RAPH1: variants seen among roughly 807,000 people sequenced by gnomAD.
RAPH1 encodes Ras association (RalGDS/AF-6) and pleckstrin homology domains 1.
In RAPH1, 18 loss-of-function variants were observed where a neutral mutation model predicts 88.1. The observed-to-expected ratio is 0.20, with a 90% CI of 0.14 to 0.30. The LOEUF is 0.30. RAPH1 is among the 10% of genes least tolerant of loss of function. RAPH1 has a pLI of 1.00. For missense variants in RAPH1, 1,448 were observed against 1,543.2 expected, an observed-to-expected ratio of 0.94 and a Z score of 1.03; for synonymous variants, 587 against 559.0, an observed-to-expected ratio of 1.05 and a Z score of -0.71.
chr2:203,465,728 T>G (rs963145177), intron 4 of RAPH1, among the ~76,000 whole-genome samples: 1 of 152,132 alleles, frequency 6.6e-6, no homozygotes, highest in African/African-American at 2.4e-5. Flanking sequence ...AACACCAAAA[T>G]TAGCTGGGTG....
At chr2:203,488,615 A>C (rs1050206834) in intron 4 of RAPH1, among the ~76,000 whole-genome samples, 141 of 149,320 alleles carry the variant, frequency 9.4e-4, no homozygotes, top group Non-Finnish European at 1.8e-3. Context: ...AAAAAAAAAA[A>C]AAACCTGTTT....
chr2:203,465,508 G>A (rs935411096), intron 4 of RAPH1, among the ~76,000 whole-genome samples: 8 of 152,212 alleles, frequency 5.3e-5, no homozygotes, highest in East Asian at 3.8e-4. Flanking sequence ...GGCAGAGCAC[G>A]GAGGATTTAA....
rs138374081 is a variant in RAPH1 at position 203,440,675 on chromosome 2, T to C, written c.2515A>G (p.Thr839Ala). The C allele has an allele frequency of 3.4e-6, 5 of 1,491,386 alleles. No homozygotes were observed. The African/African-American group carries it at 5.0e-5, about 15-fold the overall frequency. The allele number at this position is 1,491,386 out of a possible 1,614,324, so 92.4% of individuals were successfully genotyped here. The part of the protein sequence containing the change: ...PTPPVPVPPP[T>A]LPKQQSFCAK... ...CAGAAGCTCTGTTGCTTGGGTAATG[T>C]TGGCGGGGGTACTGGAACAGGAGGG... is the stretch of plus-strand genomic sequence containing the variant. The change falls in exon 14 of 14, where the codon ACA becomes GCA. Residue 839 changes from threonine to alanine, a missense_variant. Coordinates refer to ENST00000319170, the MANE Select transcript of RAPH1 (RefSeq NM_213589.3).
intron 4 of RAPH1, among the ~76,000 whole-genome samples, chr2:203,484,638 A>G (rs756215372): frequency 1.3e-5 from 2 of 152,246 alleles, no homozygotes; most frequent in Non-Finnish European, 2.9e-5. Flanking sequence ...AGCACTGGAG[A>G]AAAGCAGAGG....
intron 1 of RAPH1, among the ~76,000 whole-genome samples, chr2:203,497,940 A>G (rs1688587965): frequency 6.6e-6 from 1 of 152,230 alleles, no homozygotes; most frequent in South Asian, 2.1e-4. Flanking sequence ...TCATCTGACC[A>G]GATGACTTAA....
Position 203,440,283 on chromosome 2 carries a change from C to T in RAPH1, c.2907G>A (p.Lys969=). ...KTSKTSSPGG[K]KPPPTPQRNS... Reference sequence around the variant, plus strand: ...TGCGCTGTGGGGTTGGGGGTGGTTTCTTTCCCCCAGGGCTGGACGTCTTAC... The same window carrying T: ...TGCGCTGTGGGGTTGGGGGTGGTTTTTTTCCCCCAGGGCTGGACGTCTTAC... The change falls in exon 14 of 14, where the codon AAG becomes AAA. Residue 969 remains lysine (K), a synonymous_variant. Coordinates refer to ENST00000319170, the MANE Select transcript of RAPH1 (RefSeq NM_213589.3). 6.2e-7 allele frequency: 1 copy of T among 1,613,778 alleles called. No homozygotes were observed. Among genetic ancestry groups the T allele is most frequent in the East Asian group, 2.2e-5 (1 of 44,842 alleles).
At chr2:203,453,373 T>C (rs1327647995) in intron 10 of RAPH1, among the ~76,000 whole-genome samples, 2 of 151,702 alleles carry the variant, frequency 1.3e-5, no homozygotes, top group Admixed American at 6.6e-5. Flanking sequence ...GGCTAAACCC[T>C]GTCTCTACAA....
At chr2:203,518,474 C>T (rs974678415) in intron 1 of RAPH1, among the ~76,000 whole-genome samples, 13 of 151,140 alleles carry the variant, frequency 8.6e-5, no homozygotes, top group African/African-American at 3.2e-4. Flanking sequence ...GCCGAGATCG[C>T]ACCACTGCAC....
At chr2:203,485,706 T>C (rs777801392) in intron 4 of RAPH1, among the ~76,000 whole-genome samples, 9 of 152,112 alleles carry the variant, frequency 5.9e-5, no homozygotes, top group Admixed American at 2.6e-4. Context: ...TGATTCTCAA[T>C]TGGGGGTGGA....
chr2:203,530,430 T>G (rs1690339202), intron 1 of RAPH1, among the ~76,000 whole-genome samples: 1 of 152,214 alleles, frequency 6.6e-6, no homozygotes. Context: ...GGTAAGCAGT[T>G]GCAGCTCTTA....
chr2:203,501,422 T>C (rs1688734896), intron 1 of RAPH1, among the ~76,000 whole-genome samples: 1 of 152,170 alleles, frequency 6.6e-6, no homozygotes, highest in Non-Finnish European at 1.5e-5. Context: ...TATTTATAAA[T>C]TGCCCAAATG....
At chr2:203,507,702 T>A (rs1221963109) in intron 1 of RAPH1, among the ~76,000 whole-genome samples, 1 of 152,200 alleles carries the variant, frequency 6.6e-6, no homozygotes, top group African/African-American at 2.4e-5. Context: ...ATGTTCCATA[T>A]TCAATGGAAC....
chr2:203,500,757 G>C (rs573369016), intron 1 of RAPH1, among the ~76,000 whole-genome samples: 14 of 152,254 alleles, frequency 9.2e-5, no homozygotes, highest in Admixed American at 2.0e-4. Flanking sequence ...TTGGTTAAAG[G>C]TAAATGTGGA....
chr2:203,492,481 C>T (rs1244302303), intron 2 of RAPH1, among the ~76,000 whole-genome samples: 1 of 152,112 alleles, frequency 6.6e-6, no homozygotes, highest in African/African-American at 2.4e-5. Flanking sequence ...AAATTGCAAC[C>T]CAGCTACACT....
Position 203,510,876 on chromosome 2 carries a change from T to C in RAPH1, c.1-15523A>G, listed in dbSNP as rs117396563. Among the ~76,000 whole-genome samples the C allele has an allele frequency of 5.5e-4, 83 of 152,160 alleles. 1 individual carries two copies. The East Asian group carries it at 9.3e-3, about 17-fold the overall frequency. On this transcript the variant is annotated intron_variant, in intron 1 of 13. Transcript: ENST00000319170. ...GAGTTCGAAACCAGACTGGGCAACATAGCGAGACTCTGTCTGTATTAAAAA... is the reference window on the plus strand; with the variant it reads ...GAGTTCGAAACCAGACTGGGCAACACAGCGAGACTCTGTCTGTATTAAAAA...
intron 1 of RAPH1, among the ~76,000 whole-genome samples, chr2:203,503,986 T>A (rs1688857031): frequency 6.6e-6 from 1 of 152,228 alleles, no homozygotes. Context: ...TCCCATGGTC[T>A]TGGGCAGCTC....
intron 4 of RAPH1, among the ~76,000 whole-genome samples, chr2:203,463,600 A>G (rs1450747544): frequency 6.6e-6 from 1 of 152,238 alleles, no homozygotes; most frequent in African/African-American, 2.4e-5. Flanking sequence ...ATGAATTACC[A>G]TAATAACCAG....
In RAPH1 at chr2:203,439,522, A is replaced by G. The variant is rs116654572; in HGVS notation, c.3668T>C (p.Ile1223Thr). ...TCTCCGCAACGTTGCATAGCCTGAT[A>G]TATGACTGCCTCCGTAACCAGCCTT... ...QQKAGYGGSHISGYATLRRGP... is the reference protein window; with the variant it reads ...QQKAGYGGSHTSGYATLRRGP... The change falls in exon 14 of 14, where the codon ATA (isoleucine) becomes ACA (threonine). Residue 1223 changes from isoleucine (I) to threonine (T), a missense_variant. Transcript: ENST00000319170. 107 of 1,614,128 alleles carry G rather than the reference A, an allele frequency of 6.6e-5. No homozygotes were observed. The highest frequency in any genetic ancestry group is 8.4e-5 in the Non-Finnish European group (99 of 1,180,018).
At chr2:203,512,528 G>A (rs1689393889) in intron 1 of RAPH1, among the ~76,000 whole-genome samples, 1 of 151,728 alleles carries the variant, frequency 6.6e-6, no homozygotes, top group Non-Finnish European at 1.5e-5. Context: ...GTCAAAAATT[G>A]CCTTGGGTGA....
Sources: gnomAD v4.1 joint callset for allele counts (sites outside exome capture counted in the v4.1 genomes callset) on GRCh38, gnomAD v4.1.1 for gene constraint, MANE v1.5 for transcripts, NCBI Gene and HGNC (gene_info 2026-07-23, HGNC 2026-07-21) for gene names.